Variants in METTL25 observed in about 807,000 individuals in gnomAD.
METTL25 encodes the protein probable methyltransferase-like protein 25.
In METTL25, 64 loss-of-function variants were observed where a neutral mutation model predicts 71.6. That is an observed-to-expected ratio of 0.89 (90% confidence interval 0.73 to 1.10). METTL25 has a LOEUF of 1.10. Among genes scored for constraint, METTL25 ranks in the 50% least tolerant of loss-of-function variants. The probability of loss-of-function intolerance (pLI) is 0.00; values close to 1 mark genes in which losing one functional copy is unlikely to be tolerated. For missense variants in METTL25, 807 were observed against 707.0 expected (o/e 1.14, Z -1.60); for synonymous variants, 287 against 250.3 (o/e 1.15, Z -1.38).
chr12:82,441,054 G>A (rs1890283404), intron 8 of METTL25, among the ~76,000 whole-genome samples: 1 of 152,014 alleles, frequency 6.6e-6, no homozygotes, highest in Non-Finnish European at 1.5e-5. Context: ...ATGGTCTGGT[G>A]AGGACTTGGG....
At chr12:82,474,741 A>G (rs541259683) in intron 9 of METTL25, among the ~76,000 whole-genome samples, 1 of 152,280 alleles carries the variant, frequency 6.6e-6, no homozygotes, top group Admixed American at 6.5e-5. Context: ...TCTTAAAACA[A>G]CAAACTTTTT....
intron 2 of METTL25, 105 bp downstream of exon 2, chr12:82,387,072 C>T: frequency 2.2e-6 from 2 of 916,614 alleles, no homozygotes; most frequent in Non-Finnish European, 3.2e-6. Context: ...TATTGTTAGA[C>T]CTTAATATAT....
intron 8 of METTL25, among the ~76,000 whole-genome samples, chr12:82,455,418 C>A (rs192549196): frequency 6.6e-6 from 1 of 151,846 alleles, no homozygotes; most frequent in East Asian, 1.9e-4. Context: ...GGAACCTATA[C>A]CTATTCAAGT....
chr12:82,444,729 G>T (rs1890617429), intron 8 of METTL25, among the ~76,000 whole-genome samples: 1 of 151,806 alleles, frequency 6.6e-6, no homozygotes, highest in African/African-American at 2.4e-5. Context: ...CCAATCAATA[G>T]CATTGAAAGT....
chr12:82,472,344 A>G (rs1360743842), intron 9 of METTL25, among the ~76,000 whole-genome samples: 5 of 152,160 alleles, frequency 3.3e-5, no homozygotes, highest in African/African-American at 1.2e-4. Flanking sequence ...CATGCCTGTA[A>G]TCCCAGCACT....
At chr12:82,373,450 C>T (rs1462346688) in intron 1 of METTL25, among the ~76,000 whole-genome samples, 1 of 152,022 alleles carries the variant, frequency 6.6e-6, no homozygotes, top group East Asian at 1.9e-4. Context: ...GGAATAGAGT[C>T]CTGGAGTTTA....
intron 3 of METTL25, among the ~76,000 whole-genome samples, chr12:82,397,715 T>G (rs1886203198): frequency 6.6e-6 from 1 of 152,198 alleles, no homozygotes; most frequent in East Asian, 1.9e-4. Flanking sequence ...CATTAAATTA[T>G]CTTGGGCACT....
At chr12:82,403,583 G>A (rs891256437) in intron 5 of METTL25, among the ~76,000 whole-genome samples, 2 of 152,134 alleles carry the variant, frequency 1.3e-5, no homozygotes, top group African/African-American at 2.4e-5. Flanking sequence ...ATTTTGAAGA[G>A]TCAACATACC....
chr12:82,463,316 G>A (rs978867703), intron 9 of METTL25, among the ~76,000 whole-genome samples: 2 of 151,768 alleles, frequency 1.3e-5, no homozygotes, highest in East Asian at 1.9e-4. Context: ...CTGCATCTGA[G>A]TGAGAATATA....
intron 7 of METTL25, among the ~76,000 whole-genome samples, chr12:82,437,049 A>G (rs145729466): frequency 1.4e-4 from 21 of 151,756 alleles, no homozygotes; most frequent in African/African-American, 4.3e-4. Flanking sequence ...TAAAGTAGAG[A>G]TTTTGGTGCT....
intron 2 of METTL25, among the ~76,000 whole-genome samples, chr12:82,387,594 T>G (rs148020678): frequency 1.4e-4 from 21 of 151,982 alleles, no homozygotes; most frequent in African/African-American, 4.3e-4. Flanking sequence ...ATTTTGAAAA[T>G]TTCCAAACCT....
At chr12:82,369,895 A>G (rs930901827) in intron 1 of METTL25, among the ~76,000 whole-genome samples, 1 of 152,084 alleles carries the variant, frequency 6.6e-6, no homozygotes, top group Non-Finnish European at 1.5e-5. Context: ...CAGAGTGCTG[A>G]TTGGTGCGTT....
chr12:82,362,644 C>G (rs1022964277), intron 1 of METTL25, among the ~76,000 whole-genome samples: 1 of 152,042 alleles, frequency 6.6e-6, no homozygotes, highest in Non-Finnish European at 1.5e-5. Context: ...GAGTGAAATG[C>G]GAAGCTCTTT....
At chr12:82,390,860 C>T (rs923937824) in intron 3 of METTL25, among the ~76,000 whole-genome samples, 1 of 152,086 alleles carries the variant, frequency 6.6e-6, no homozygotes, top group African/African-American at 2.4e-5. Context: ...CCCCATGGTG[C>T]CATATCAAAA....
intron 1 of METTL25, among the ~76,000 whole-genome samples, chr12:82,364,004 C>A (rs991872184): frequency 1.3e-5 from 2 of 152,210 alleles, no homozygotes; most frequent in Non-Finnish European, 2.9e-5. Flanking sequence ...ATAGTACCTA[C>A]TTTATGCCCC....
At chr12:82,402,357 TA>T (rs1886704449) in intron 4 of METTL25, among the ~76,000 whole-genome samples, 1 of 152,102 alleles carries the variant, frequency 6.6e-6, no homozygotes, top group Non-Finnish European at 1.5e-5. Flanking sequence ...CAAAAATTAA[TA>T]TTATGGTCAA....
chr12:82,424,558 A>G (rs200185770), intron 5 of METTL25, among the ~76,000 whole-genome samples: 2 of 132,192 alleles, frequency 1.5e-5, no homozygotes, highest in Non-Finnish European at 1.7e-5. Flanking sequence ...ATATATATAT[A>G]TGTATAAAGG....
intron 7 of METTL25, among the ~76,000 whole-genome samples, chr12:82,435,194 C>A (rs1008323672): frequency 6.6e-6 from 1 of 151,308 alleles, no homozygotes; most frequent in African/African-American, 2.4e-5. Context: ...AATATAATCC[C>A]CCAAATATCC....
At chr12:82,376,363 T>C (rs1328498139) in intron 1 of METTL25, among the ~76,000 whole-genome samples, 1 of 152,242 alleles carries the variant, frequency 6.6e-6, no homozygotes, top group African/African-American at 2.4e-5. Flanking sequence ...GATAATTCTC[T>C]GCAAGAAATT....
Sources: allele counts gnomAD v4.1 joint callset (sites outside exome capture counted in the v4.1 genomes callset), GRCh38; gene constraint gnomAD v4.1.1; transcripts MANE v1.5; gene names NCBI Gene and HGNC (gene_info 2026-07-23, HGNC 2026-07-21).